ATP2B3: variants seen among roughly 807,000 people sequenced by gnomAD.
The protein encoded by ATP2B3 is plasma membrane calcium-transporting ATPase 3.
Under a neutral mutation model 70.8 loss-of-function variants are expected in ATP2B3, and 12 were observed. The ratio of observed to expected loss-of-function variants is 0.17; its 90% CI spans 0.11 to 0.27. ATP2B3 has a LOEUF of 0.27. Ranked by LOEUF, ATP2B3 falls within the 10% of genes least tolerant of loss-of-function variation. The pLI, the probability that ATP2B3 is intolerant of heterozygous loss-of-function variation, is 1.00. For missense variants in ATP2B3, 858 were observed against 1,118.5 expected, an observed-to-expected ratio of 0.77 and a Z score of 3.32; for synonymous variants, 460 against 497.8, an observed-to-expected ratio of 0.92 and a Z score of 1.01.
intron 2 of ATP2B3, among the ~76,000 whole-genome samples, chrX:153,521,375 G>A (rs1422280286): frequency 8.9e-6 from 1 of 112,791 alleles, no homozygotes; most frequent in African/African-American, 3.2e-5. Flanking sequence ...CAAATGCAGG[G>A]GAATTCGGGC....
At chrX:153,557,788 C>T (rs1379803087) in intron 16 of ATP2B3, among the ~76,000 whole-genome samples, 1 of 110,268 alleles carries the variant, frequency 9.1e-6, no homozygotes, top group East Asian at 2.9e-4. Flanking sequence ...AAGAACAGAC[C>T]ACGCTGCTTG....
At chrX:153,547,730 G>A (rs1466506477) in intron 8 of ATP2B3, 105 bp from the exon 9 acceptor site, 43 of 955,942 alleles carry the variant, frequency 4.5e-5, no homozygotes, top group East Asian at 1.0e-4. Context: ...ACTGAATCCC[G>A]TCTCCTCTCT....
chrX:153,579,453 G>A (rs1000661530), intron 21 of ATP2B3, among the ~76,000 whole-genome samples: 1 of 112,527 alleles, frequency 8.9e-6, no homozygotes, highest in Admixed American at 9.3e-5. Flanking sequence ...ATACCAGCAG[G>A]TACTTCGGAC....
In ATP2B3 at chrX:153,562,311, C is replaced by T. The variant is rs1359952734; in HGVS notation, c.3159+69C>T. 3 of 1,009,634 alleles carry T rather than the reference C, an allele frequency of 3.0e-6. No individual in the cohort carries two copies. The African/African-American group carries it at 5.6e-5, about 19-fold the overall frequency. 83.2% of individuals were successfully genotyped at this position (1,009,634 alleles called of 1,213,427 possible). On this transcript the variant is annotated intron_variant, in intron 20 of 21. Coordinates refer to ENST00000263519, the MANE Select transcript of ATP2B3 (RefSeq NM_001001344.3). ...AGCTTCTGTGATGGGCCCACTTGCC[C>T]TAACCCTGCTTCAGAGCCTTGGGGT...
In ATP2B3 at chrX:153,521,143, G is replaced by T. The variant is rs782154073; in HGVS notation, c.-127+2592G>T. 2.7e-5 allele frequency among the ~76,000 whole-genome samples: 3 copies of T among 113,021 alleles called. No individual in the cohort carries two copies. The South Asian group carries it at 1.1e-3, about 41-fold the overall frequency. On this transcript the variant is annotated intron_variant, in intron 2 of 21. Transcript: ENST00000263519. ...ACTTTGCAGCAAGCTCCCCAGCAAC[G>T]CCCCGGGCTGGGTATGCCAGGCAGA...
intron 9 of ATP2B3, 22 bp from the exon 10 acceptor site, chrX:153,548,618 T>C (rs2090407181): frequency 4.2e-6 from 5 of 1,196,286 alleles, no homozygotes; most frequent in Non-Finnish European, 5.7e-6. Context: ...ACCCCTTTCG[T>C]CTCCTCCCCG....
chrX:153,580,212 A>ACC lies in ATP2B3; in HGVS notation c.3578_3579dup (p.Thr1194ProfsTer131). 1 of 1,198,213 alleles carries ACC rather than the reference A, an allele frequency of 8.3e-7. No individual in the cohort carries two copies. The highest frequency in any genetic ancestry group is 1.8e-5 in the South Asian group (1 of 56,510). ...CGCCATAGACAGCGGCATCTACCTG[A>ACC]CCACGCATGTCACCAAGTCAGCTAC... On this transcript the variant is annotated frameshift_variant, in exon 22 of 22. Coordinates refer to ENST00000263519, the MANE Select transcript of ATP2B3 (RefSeq NM_001001344.3). LOFTEE classifies it high-confidence loss of function.
chrX:153,557,893 C>CA, intron 16 of ATP2B3, among the ~76,000 whole-genome samples: 2 of 107,643 alleles, frequency 1.9e-5, no homozygotes. Context: ...CCCCCCCCCC[C>CA]ACCGTGACAT....
At position 153,577,138 on chromosome X, in the gene ATP2B3, G is replaced by GGTGT. The variant is rs781890679; in HGVS notation, c.3343-2840_3343-2839insGTGT. ...GCATTCCCCAAGTGTCTGCTGAGCA[G>GGTGT]CTGCTCTGGGCCAGGCTCTGTTGTT... is the stretch of plus-strand genomic sequence containing the variant. On this transcript the variant is annotated intron_variant, in intron 21 of 21. Coordinates refer to ENST00000263519, the MANE Select transcript of ATP2B3 (RefSeq NM_001001344.3). Among the ~76,000 whole-genome samples, 15 of 113,003 alleles carry GGTGT rather than the reference G, an allele frequency of 1.3e-4. No homozygotes were observed. The South Asian group carries it at 3.2e-3, about 24-fold the overall frequency.
chrX:153,527,110 C>T (rs2090044540), intron 2 of ATP2B3, among the ~76,000 whole-genome samples: 1 of 112,522 alleles, frequency 8.9e-6, no homozygotes, highest in African/African-American at 3.2e-5. Context: ...ATTTAGGCCC[C>T]GACGGCTTCC....
At chrX:153,528,463 G>A (rs1557000660) in intron 2 of ATP2B3, among the ~76,000 whole-genome samples, 1 of 111,722 alleles carries the variant, frequency 9.0e-6, no homozygotes, top group Non-Finnish European at 1.9e-5. Context: ...CCCCCAGGGA[G>A]CTCAGGGGAA....
At chrX:153,520,345 T>C (rs1390439794) in intron 2 of ATP2B3, among the ~76,000 whole-genome samples, 2 of 112,435 alleles carry the variant, frequency 1.8e-5, no homozygotes, top group African/African-American at 3.2e-5. Context: ...CTGGGCCTCT[T>C]GCAGCCAGCA....
intron 21 of ATP2B3, among the ~76,000 whole-genome samples, chrX:153,567,667 A>C (rs1569535766): frequency 8.9e-6 from 1 of 112,261 alleles, no homozygotes; most frequent in East Asian, 2.8e-4. Context: ...CCCATCGGTC[A>C]GAGTCTTAGA....
intron 3 of ATP2B3, among the ~76,000 whole-genome samples, chrX:153,537,523 G>A (rs1447278441): frequency 8.8e-6 from 1 of 113,549 alleles, no homozygotes; most frequent in East Asian, 2.8e-4. Flanking sequence ...CAGGCTGCAG[G>A]GAGGAGTGAA....
intron 16 of ATP2B3, among the ~76,000 whole-genome samples, chrX:153,557,312 C>T (rs1448372243): frequency 8.9e-6 from 1 of 111,958 alleles, no homozygotes; most frequent in East Asian, 2.8e-4. Context: ...TGGCATTGCC[C>T]ACCCCCGTCC....
chrX:153,569,660 C>T (rs1169255629), intron 21 of ATP2B3: 3 of 1,209,351 alleles, frequency 2.5e-6, no homozygotes, highest in Non-Finnish European at 3.4e-6. Flanking sequence ...TGTGCGCCGG[C>T]GGTCTTCGGT....
intron 18 of ATP2B3, 121 bp downstream of exon 18, chrX:153,560,063 A>C: frequency 1.4e-6 from 1 of 734,590 alleles, no homozygotes; most frequent in Non-Finnish European, 2.0e-6. Flanking sequence ...GGGACGCTGC[A>C]CTTCCTGACT....
chrX:153,542,413 G>A lies in ATP2B3; in HGVS notation c.755G>A (p.Arg252His), dbSNP rs781943497. Residue 252 changes from arginine to histidine, a missense_variant, in exon 6 of 22, where the codon CGC becomes CAC. Around this residue, in one of 5 missense-constraint regions of ATP2B3, gnomAD observed 278 missense variants for 366.2 expected, o/e 0.76. Transcript: ENST00000263519. ...CTGACGGGCGAGTCTGACCACGTGC[G>A]CAAGTCAGCTGACAAAGATCCCATG... ...SSLTGESDHV[R>H]KSADKDPMLL... 5.9e-5 allele frequency: 72 copies of A among 1,210,400 alleles called. No homozygotes were observed. Among genetic ancestry groups the A allele is most frequent in the Non-Finnish European group, 7.1e-5 (64 of 895,277 alleles).
At chrX:153,578,759 G>C (rs782665822) in intron 21 of ATP2B3, among the ~76,000 whole-genome samples, 11 of 112,417 alleles carry the variant, frequency 9.8e-5, no homozygotes, top group African/African-American at 3.6e-4. Flanking sequence ...GAACAACACA[G>C]AGCGGAGCCC....
Sources: allele counts gnomAD v4.1 joint callset (sites outside exome capture counted in the v4.1 genomes callset), GRCh38; gene constraint gnomAD v4.1.1; regional missense constraint gnomAD v4.1.1; transcripts MANE v1.5; gene names NCBI Gene and HGNC (gene_info 2026-07-23, HGNC 2026-07-21).